The following UNC79 variants were observed in gnomAD, a reference collection of about 807,000 sequenced individuals.
The protein encoded by UNC79 is protein unc-79 homolog.
Under a neutral mutation model 283.1 loss-of-function variants are expected in UNC79, and 37 were observed. The ratio of observed to expected loss-of-function variants is 0.13; its 90% CI spans 0.10 to 0.17. The LOEUF (loss-of-function observed/expected upper bound fraction) is 0.17, where lower values mean the gene tolerates loss of function less well. Among genes scored for constraint, UNC79 ranks in the 10% least tolerant of loss-of-function variants. UNC79 has a pLI of 1.00. For synonymous variants in UNC79, 1,107 were observed against 1,200.2 expected, an observed-to-expected ratio of 0.92 and a Z score of 1.61; for missense variants, 2,272 against 3,211.1, an observed-to-expected ratio of 0.71 and a Z score of 7.07.
intron 1 of UNC79, among the ~76,000 whole-genome samples, chr14:93,435,927 A>G (rs2056070185): frequency 6.6e-6 from 1 of 152,050 alleles, no homozygotes; most frequent in Non-Finnish European, 1.5e-5. Flanking sequence ...TAGCTTTGAA[A>G]CCTTGCCTGA....
intron 3 of UNC79, among the ~76,000 whole-genome samples, chr14:93,476,494 C>G (rs1351549541): frequency 1.3e-5 from 2 of 152,206 alleles, no homozygotes; most frequent in African/African-American, 2.4e-5. Flanking sequence ...TTGACTGACT[C>G]TGGCCCTCTA....
chr14:93,403,935 A>G (rs78795597), intron 1 of UNC79, among the ~76,000 whole-genome samples: 2,962 of 151,676 alleles, frequency 0.02, 51 homozygotes, highest in South Asian at 0.075. Flanking sequence ...ATCACCTAAC[A>G]GTGTGGGCAA....
intron 31 of UNC79, among the ~76,000 whole-genome samples, chr14:93,633,559 C>T (rs1159504691): frequency 2.1e-4 from 32 of 152,052 alleles, no homozygotes; most frequent in Admixed American, 2.1e-3. Flanking sequence ...TCTTATAACA[C>T]AGAGAATAAC....
chr14:93,647,673 G>T (rs915333604), intron 35 of UNC79, among the ~76,000 whole-genome samples: 1 of 152,182 alleles, frequency 6.6e-6, no homozygotes, highest in African/African-American at 2.4e-5. Flanking sequence ...GTAGAGCCCT[G>T]CAGGTCATTT....
chr14:93,641,231 A>G, exon 33 of UNC79: 1 of 1,612,986 alleles, frequency 6.2e-7, no homozygotes, highest in Non-Finnish European at 8.5e-7. Context: ...CGAGCAGCCG[A>G]CGGTGATGAC....
In UNC79 at chr14:93,523,208, T is replaced by A. The variant is rs2060404495; in HGVS notation, c.899-770T>A. 1.3e-5 allele frequency among the ~76,000 whole-genome samples: 2 copies of A among 152,186 alleles called. 1 individual carries two copies. Among genetic ancestry groups the A allele is most frequent in the South Asian group, 4.1e-4 (2 of 4,832 alleles). On this transcript the variant is annotated intron_variant, in intron 7 of 48. Coordinates refer to ENST00000555664, the Ensembl canonical transcript of UNC79. ...GATAACTACTGGTTGTGATTCTCAG[T>A]CTGACTTATTACAGGTCACTTGGTT...
intron 6 of UNC79, among the ~76,000 whole-genome samples, chr14:93,496,767 ATG>A (rs1216243155): frequency 6.6e-6 from 1 of 152,218 alleles, no homozygotes; most frequent in African/African-American, 2.4e-5. Context: ...TTGCTTGAGA[ATG>A]TGTCCTCTTT....
At chr14:93,403,964 T>C (rs1331131681) in intron 1 of UNC79, among the ~76,000 whole-genome samples, 2 of 151,216 alleles carry the variant, frequency 1.3e-5, no homozygotes, top group African/African-American at 2.4e-5. Context: ...TGCAGATACA[T>C]AAAGAAAGAG....
At chr14:93,498,475 C>T (rs750980746) in intron 7 of UNC79, among the ~76,000 whole-genome samples, 35 of 151,632 alleles carry the variant, frequency 2.3e-4, no homozygotes, top group Non-Finnish European at 4.3e-4. Flanking sequence ...CCTCTAGTCC[C>T]GGCTGCTTGG....
At chr14:93,404,010 CAAAT>C (rs1157559417) in intron 1 of UNC79, among the ~76,000 whole-genome samples, 3 of 151,088 alleles carry the variant, frequency 2.0e-5, no homozygotes, top group Non-Finnish European at 2.9e-5. Context: ...TTTTTGGAAA[CAAAT>C]AATCAAGGAT....
chr14:93,572,016 G>C (rs575318019), exon 15 of UNC79: 1 of 1,614,168 alleles, frequency 6.2e-7, no homozygotes, highest in Admixed American at 1.7e-5. Flanking sequence ...GTATTATGCC[G>C]GAATGGCTGG....
chr14:93,558,333 G>T (rs1053928047), intron 14 of UNC79, among the ~76,000 whole-genome samples: 2 of 152,154 alleles, frequency 1.3e-5, no homozygotes, highest in Non-Finnish European at 2.9e-5. Flanking sequence ...GAGGCGGGCA[G>T]ATCATGAGGT....
intron 5 of UNC79, among the ~76,000 whole-genome samples, chr14:93,493,774 T>C (rs1372492800): frequency 6.6e-6 from 1 of 150,520 alleles, no homozygotes; most frequent in African/African-American, 2.5e-5. Flanking sequence ...CTCCTGTCTC[T>C]AAGGGAGGCC....
At chr14:93,539,288 C>A (rs1029769250) in intron 12 of UNC79, among the ~76,000 whole-genome samples, 1 of 148,882 alleles carries the variant, frequency 6.7e-6, no homozygotes. Context: ...TTTGAGAGAC[C>A]GAGGCGGGTG....
intron 1 of UNC79, among the ~76,000 whole-genome samples, chr14:93,388,329 T>A (rs2054819654): frequency 6.6e-6 from 1 of 152,218 alleles, no homozygotes. Flanking sequence ...TCAGTCATTA[T>A]TTTGATGGAC....
intron 1 of UNC79, among the ~76,000 whole-genome samples, chr14:93,446,470 A>G (rs1469063683): frequency 1.3e-5 from 2 of 149,762 alleles, no homozygotes. Context: ...ATCTTAGCTC[A>G]CTGCAAACTC....
At chr14:93,558,498 T>C (rs1282647408) in intron 14 of UNC79, among the ~76,000 whole-genome samples, 1 of 149,220 alleles carries the variant, frequency 6.7e-6, no homozygotes. Flanking sequence ...GGAGCTTGCA[T>C]TGAGCCGAGA....
At chr14:93,575,757 C>G (rs1306410556) in intron 17 of UNC79, among the ~76,000 whole-genome samples, 1 of 152,106 alleles carries the variant, frequency 6.6e-6, no homozygotes, top group Non-Finnish European at 1.5e-5. Flanking sequence ...CTATGGAGGC[C>G]TGATAGAGTC....
intron 10 of UNC79, 99 bp from the exon 11 acceptor site, chr14:93,532,451 C>A: frequency 7.2e-7 from 1 of 1,384,064 alleles, no homozygotes; most frequent in Non-Finnish European, 9.8e-7. Flanking sequence ...GCCTGATTGA[C>A]AGAGTGAGCC....
Sources: gnomAD v4.1 joint callset for allele counts (sites outside exome capture counted in the v4.1 genomes callset) on GRCh38, gnomAD v4.1.1 for gene constraint, MANE v1.5 for transcripts, NCBI Gene and HGNC (gene_info 2026-07-23, HGNC 2026-07-21) for gene names.